The following KMT2C variants were observed in gnomAD, a reference collection of about 807,000 sequenced individuals.
The protein encoded by KMT2C is lysine methyltransferase 2C.
In KMT2C, 88 loss-of-function variants were observed where a neutral mutation model predicts 507.9. The observed-to-expected ratio is 0.17, with a 90% CI of 0.15 to 0.21. The LOEUF is 0.21. Ranked by LOEUF, KMT2C falls within the 10% of genes least tolerant of loss-of-function variation. The pLI, the probability that KMT2C is intolerant of heterozygous loss-of-function variation, is 1.00. For synonymous variants in KMT2C, 2,049 were observed against 2,080.8 expected, an observed-to-expected ratio of 0.98 and a Z score of 0.42; for missense variants, 4,954 against 5,957.8, an observed-to-expected ratio of 0.83 and a Z score of 5.55.
chr7:152,205,081 AT>A (rs745762263), intron 25 of KMT2C, 24 bp downstream of exon 25: 176 of 1,472,856 alleles, frequency 1.2e-4, no homozygotes, highest in South Asian at 1.9e-4. Context: ...TAAAAAAAAA[AT>A]TTTTTTTTAA....
chr7:152,192,774 C>CT (rs2093841391), intron 31 of KMT2C, among the ~76,000 whole-genome samples: 1 of 152,158 alleles, frequency 6.6e-6, no homozygotes, highest in African/African-American at 2.4e-5. Flanking sequence ...CACTTTGGCA[C>CT]TTACACAAGA....
At chr7:152,348,599 T>TAAAAAAAAAAAAAAAAAAAAAAAAAAAA (rs201530125) in intron 2 of KMT2C, among the ~76,000 whole-genome samples, 12 of 48,996 alleles carry the variant, frequency 2.4e-4, no homozygotes, top group East Asian at 6.5e-4. Context: ...AACTCTGTCT[T>TAAAAAAAAAAAAAAAAAAAAAAAAAAAA]AAAAAAAAAA....
intron 1 of KMT2C, among the ~76,000 whole-genome samples, chr7:152,388,077 G>A (rs1047866044): frequency 1.0e-4 from 15 of 147,398 alleles, no homozygotes; most frequent in Non-Finnish European, 2.2e-4. Context: ...TAGGCTGGGG[G>A]GAAAAAATGT....
intron 26 of KMT2C, among the ~76,000 whole-genome samples, chr7:152,202,571 T>C (rs924931396): frequency 2.0e-5 from 3 of 152,202 alleles, no homozygotes; most frequent in African/African-American, 4.8e-5. Context: ...ATGAATATAA[T>C]TAATGTAACT....
chr7:152,185,732 G>GC (rs1441564790), intron 33 of KMT2C, 101 bp from the exon 34 acceptor site: 1 of 885,288 alleles, frequency 1.1e-6, no homozygotes, highest in Non-Finnish European at 1.9e-6. Context: ...TCTTATTCAG[G>GC]CCGTATTCTC....
chr7:152,306,108 A>G (rs1196074089), intron 6 of KMT2C, among the ~76,000 whole-genome samples: 1 of 152,186 alleles, frequency 6.6e-6, no homozygotes. Flanking sequence ...ATGACTGTAC[A>G]GTTCTTTTTG....
chr7:152,378,785 A>G (rs2097348351), intron 1 of KMT2C, among the ~76,000 whole-genome samples: 3 of 152,308 alleles, frequency 2.0e-5, no homozygotes, highest in Middle Eastern at 3.4e-3. Flanking sequence ...CTAACTTCCA[A>G]TATTTTCTTC....
At chr7:152,347,078 C>T (rs1452181874) in intron 2 of KMT2C, among the ~76,000 whole-genome samples, 2 of 151,898 alleles carry the variant, frequency 1.3e-5, no homozygotes, top group African/African-American at 2.4e-5. Context: ...GAGCCAAGAT[C>T]GTGCCACTGC....
At chr7:152,225,048 T>A (rs922485314) in intron 18 of KMT2C, among the ~76,000 whole-genome samples, 9 of 152,176 alleles carry the variant, frequency 5.9e-5, no homozygotes, top group African/African-American at 2.2e-4. Flanking sequence ...CATGAGTTCT[T>A]AGGGACATTT....
intron 46 of KMT2C, chr7:152,154,824 A>G (rs1235792333): frequency 6.1e-6 from 1 of 164,976 alleles, no homozygotes; most frequent in African/African-American, 2.4e-5. Context: ...GTTGGATTTA[A>G]CAATAAAAAA....
chr7:152,166,998 C>G (rs2092760594), intron 42 of KMT2C, 148 bp downstream of exon 42: 1 of 629,200 alleles, frequency 1.6e-6, no homozygotes, highest in Non-Finnish European at 2.8e-6. Context: ...TAAGAGGTCT[C>G]AGAGCTGTCA....
intron 3 of KMT2C, among the ~76,000 whole-genome samples, chr7:152,324,786 T>C (rs1238266678): frequency 6.6e-6 from 1 of 152,010 alleles, no homozygotes; most frequent in Non-Finnish European, 1.5e-5. Context: ...CACACGAGGC[T>C]AGTGTAATTT....
chr7:152,305,540 G>C (rs1001306878), intron 6 of KMT2C, among the ~76,000 whole-genome samples: 2 of 152,090 alleles, frequency 1.3e-5, no homozygotes, highest in Admixed American at 1.3e-4. Context: ...GAGCCTTACA[G>C]GTTAGCAAGG....
intron 3 of KMT2C, among the ~76,000 whole-genome samples, chr7:152,319,330 C>T (rs2096750347): frequency 6.6e-6 from 1 of 152,136 alleles, no homozygotes; most frequent in South Asian, 2.1e-4. Flanking sequence ...ATAATCCTCA[C>T]TCTACAATCA....
chr7:152,289,064 AAAG>A (rs1464106433), intron 6 of KMT2C, among the ~76,000 whole-genome samples: 2 of 152,310 alleles, frequency 1.3e-5, no homozygotes, highest in Non-Finnish European at 2.9e-5. Context: ...AGAATGATAA[AAAG>A]AAGGATTCTC....
At chr7:152,300,469 C>T (rs1354308824) in intron 6 of KMT2C, among the ~76,000 whole-genome samples, 1 of 152,166 alleles carries the variant, frequency 6.6e-6, no homozygotes, top group Non-Finnish European at 1.5e-5. Flanking sequence ...TGGGCAGTCA[C>T]ATATGTTGTT....
At position 152,152,951 on chromosome 7, in the gene KMT2C, T is replaced by C. The variant is rs775955880; in HGVS notation, c.12280A>G (p.Ile4094Val). The change falls in exon 49 of 59, where the codon ATT becomes GTT. Residue 4094 changes from isoleucine (I) to valine (V), a missense_variant. Physicochemically the swap from Ile to Val is conservative, Grantham distance 29 (BLOSUM62 3). Transcript: ENST00000262189. The stretch of plus-strand genomic sequence containing the variant: ...GAAAATGCAGCCACAACACTGCTAA[T>C]GTTCTAAAACCAAATGCAAATGCTG... Reference protein sequence around the residue: ...ITLHPTAAENISSVVAAFSDL... With the variant: ...ITLHPTAAENVSSVVAAFSDL... The C allele has an allele frequency of 3.1e-6, 5 of 1,614,102 alleles. No individual in the cohort carries two copies. The South Asian group carries it at 5.5e-5, about 18-fold the overall frequency.
At position 152,248,394 on chromosome 7, in the gene KMT2C, T is replaced by G. The variant is rs965501925; in HGVS notation, c.2040A>C (p.Glu680Asp). 2 of 1,614,026 alleles carry G rather than the reference T, an allele frequency of 1.2e-6. No homozygotes were observed. The highest frequency in any genetic ancestry group is 1.7e-5 in the Admixed American group (1 of 59,988). The change falls in exon 14 of 59, where the codon GAA becomes GAC. Residue 680 changes from glutamate to aspartate, a missense_variant. Physicochemically the swap from Glu to Asp is conservative, Grantham distance 45 (BLOSUM62 2). Coordinates refer to ENST00000262189, the MANE Select transcript of KMT2C (RefSeq NM_170606.3). ...LEEPETVVSR[E>D]ESRPPKLVME... Reference sequence around the variant, plus strand: ...TGACTAATTTTGGAGGCCTTGATTCTTCTCTGGATACCACTGTTTCAGGTT... The same window carrying G: ...TGACTAATTTTGGAGGCCTTGATTCGTCTCTGGATACCACTGTTTCAGGTT...
intron 1 of KMT2C, among the ~76,000 whole-genome samples, chr7:152,384,031 C>T (rs569245825): frequency 1.6e-4 from 24 of 148,014 alleles, no homozygotes; most frequent in African/African-American, 6.2e-4. Flanking sequence ...ATCCGAGAGG[C>T]AGACATGTGT....
Sources: allele counts gnomAD v4.1 joint callset (sites outside exome capture counted in the v4.1 genomes callset), GRCh38; gene constraint gnomAD v4.1.1; transcripts MANE v1.5; gene names NCBI Gene and HGNC (gene_info 2026-07-23, HGNC 2026-07-21).